Variants in NOTCH3 observed in about 807,000 individuals in gnomAD.
The protein encoded by NOTCH3 is notch receptor 3.
A neutral mutation model predicts 213.3 loss-of-function variants in NOTCH3; 86 were observed. That is an observed-to-expected ratio of 0.40 (90% CI 0.34 to 0.48). The LOEUF is 0.48. Ranked by LOEUF, NOTCH3 falls within the 20% of genes least tolerant of loss-of-function variation. The pLI, the probability that NOTCH3 is intolerant of heterozygous loss-of-function variation, is 0.57. For synonymous variants in NOTCH3, 1,354 were observed against 1,355.9 expected (o/e 1.00, Z 0.03); for missense variants, 2,783 against 3,272.6 (o/e 0.85, Z 3.65).
At chr19:15,186,490 C>T (rs955494327) in intron 12 of NOTCH3, among the ~76,000 whole-genome samples, 15 of 151,776 alleles carry the variant, frequency 9.9e-5, no homozygotes, top group Non-Finnish European at 1.6e-4. Flanking sequence ...CTGCCGCCTC[C>T]GCCTCCTGAG....
chr19:15,194,876 G>A (rs1241604728), intron 2 of NOTCH3, among the ~76,000 whole-genome samples: 1 of 149,076 alleles, frequency 6.7e-6, no homozygotes, highest in Non-Finnish European at 1.5e-5. Flanking sequence ...AAAATCGCTT[G>A]AACCCAGGAG....
At chr19:15,186,192 G>T (rs1256148541) in intron 12 of NOTCH3, among the ~76,000 whole-genome samples, 1 of 152,066 alleles carries the variant, frequency 6.6e-6, no homozygotes, top group Non-Finnish European at 1.5e-5. Context: ...TCGAACTCCT[G>T]GGCTCAAGTG....
intron 28 of NOTCH3, among the ~76,000 whole-genome samples, chr19:15,169,186 G>GTCTCTCCTCTCTC (rs1555726051): frequency 6.8e-6 from 1 of 146,656 alleles, no homozygotes; most frequent in African/African-American, 2.6e-5. Context: ...TGTCAAATCT[G>GTCTCTCCTCTCTC]TCTCTCTCTC....
intron 16 of NOTCH3, among the ~76,000 whole-genome samples, chr19:15,183,808 T>C (rs1358494808): frequency 6.6e-6 from 1 of 151,926 alleles, no homozygotes; most frequent in Admixed American, 6.6e-5. Context: ...CCCAGCACTT[T>C]GGGAGGTGGA....
Position 15,189,409 on chromosome 19 carries a change from A to C in NOTCH3, c.1056T>G (p.Asp352Glu). 6.2e-7 allele frequency: 1 copy of C among 1,613,836 alleles called. No homozygotes were observed. The highest frequency in any genetic ancestry group is 8.5e-7 in the Non-Finnish European group (1 of 1,180,036). ...MGKTGLLCHL[D>E]DACVSNPCHE... ...GGCAGGGGTTGCTGACACAGGCGTCATCCAGGTGACACAGGAGGCCTGGGA... is the reference window on the plus strand; with the variant it reads ...GGCAGGGGTTGCTGACACAGGCGTCCTCCAGGTGACACAGGAGGCCTGGGA... Residue 352 changes from aspartate to glutamate, a missense_variant, in exon 7 of 33, where the codon GAT (aspartate) becomes GAG (glutamate). By Grantham distance (45) the Asp-to-Glu change is conservative. Coordinates refer to ENST00000263388, the MANE Select transcript of NOTCH3 (RefSeq NM_000435.3).
chr19:15,168,017 A>C (rs2046700656), intron 28 of NOTCH3, among the ~76,000 whole-genome samples: 1 of 151,846 alleles, frequency 6.6e-6, no homozygotes, highest in Admixed American at 6.6e-5. Context: ...ACCTCACTGC[A>C]GCCTCAACTT....
At chr19:15,184,257 C>T (rs888570272) in intron 16 of NOTCH3, 38 bp downstream of exon 16, 4 of 1,603,774 alleles carry the variant, frequency 2.5e-6, no homozygotes, top group African/African-American at 2.7e-5. Context: ...TGACTGTGTT[C>T]CCCAGAGCAG....
At chr19:15,192,669 C>T in intron 2 of NOTCH3, 150 bp from the exon 3 acceptor site, 1 of 1,165,676 alleles carries the variant, frequency 8.6e-7, no homozygotes. Context: ...AATCCCAGAA[C>T]TTTGGGAGGC....
At chr19:15,183,230 G>C (rs1477965249) in intron 16 of NOTCH3, among the ~76,000 whole-genome samples, 2 of 151,786 alleles carry the variant, frequency 1.3e-5, no homozygotes, top group Non-Finnish European at 2.9e-5. Context: ...CTCCAGCCTG[G>C]GCGACAGAGC....
intron 24 of NOTCH3, 33 bp downstream of exon 24, chr19:15,177,492 A>C: frequency 6.3e-7 from 1 of 1,586,988 alleles, no homozygotes; most frequent in South Asian, 1.1e-5. Context: ...ATGGATGCAT[A>C]GACAGACGGA....
chr19:15,191,444 G>C lies in NOTCH3; in HGVS notation c.1016C>G (p.Ala339Gly), dbSNP rs775466454. 1 of 1,613,404 alleles carries C rather than the reference G, an allele frequency of 6.2e-7. No individual in the cohort carries two copies. The highest frequency in any genetic ancestry group is 1.3e-5 in the African/African-American group (1 of 75,070). ...CTCACCAGTCTTGCCCATGGGGCAGGCACAGTAGAAAGAAGCCACGCGGTC... is the reference window on the plus strand; with the variant it reads ...CTCACCAGTCTTGCCCATGGGGCAGCCACAGTAGAAAGAAGCCACGCGGTC... Reference protein sequence around the residue: ...CHDRVASFYCACPMGKTGLLC... With the variant: ...CHDRVASFYCGCPMGKTGLLC... Residue 339 changes from alanine to glycine, a missense_variant, in exon 6 of 33, where the codon GCC becomes GGC. By Grantham distance (60) the Ala-to-Gly change is moderately conservative. Around this residue, in one of 6 missense-constraint regions of NOTCH3, gnomAD observed 708 missense variants for 906.6 expected, o/e 0.78. Coordinates refer to ENST00000263388, the MANE Select transcript of NOTCH3 (RefSeq NM_000435.3).
At chr19:15,164,729 G>A (rs1402154210) in intron 31 of NOTCH3, among the ~76,000 whole-genome samples, 1 of 151,884 alleles carries the variant, frequency 6.6e-6, no homozygotes, top group East Asian at 1.9e-4. Context: ...CCCTAGAACT[G>A]TGGCTCTCAA....
At chr19:15,189,560 C>T (rs1288835273) in intron 6 of NOTCH3, 132 bp from the exon 7 acceptor site, 2 of 1,130,208 alleles carry the variant, frequency 1.8e-6, no homozygotes, top group East Asian at 2.4e-5. Flanking sequence ...CTCTTGTTGC[C>T]CAAGCTGGAG....
chr19:15,159,417 GA>G lies in NOTCH3; in HGVS notation c.*1244del, dbSNP rs762788720. The G allele has an allele frequency of 5.6e-6, 1 of 179,742 alleles. No individual in the cohort carries two copies. Among genetic ancestry groups the G allele is most frequent in the Non-Finnish European group, 1.2e-5 (1 of 83,956 alleles). The allele number at this position is 179,742 out of a possible 1,614,324, so 11.1% of individuals were successfully genotyped here. On this transcript the variant is annotated 3_prime_UTR_variant, in exon 33 of 33. Transcript: ENST00000263388. ...CAACTTTCTTAGCCTCTCCATTAAA[GA>G]AAGTTCTCGAGCAAAAGAATCTGAT...
intron 2 of NOTCH3, among the ~76,000 whole-genome samples, 170 bp downstream of exon 2, chr19:15,197,330 C>T (rs934207071): frequency 1.3e-5 from 2 of 152,154 alleles, no homozygotes; most frequent in Non-Finnish European, 2.9e-5. Flanking sequence ...GAGTGCAGAG[C>T]CCCTGCTCAG....
rs762273376 is a variant in NOTCH3, at chr19:15,187,178, C to T, written c.1767G>A (p.Gln589=). 1 of 1,614,088 alleles carries T rather than the reference C, an allele frequency of 6.2e-7. No homozygotes were observed. Among genetic ancestry groups the T allele is most frequent in the East Asian group, 2.2e-5 (1 of 44,882 alleles). The change falls in exon 11 of 33, where the codon CAG becomes CAA. Residue 589 remains glutamine (Q), a synonymous_variant. Coordinates refer to ENST00000263388, the MANE Select transcript of NOTCH3 (RefSeq NM_000435.3). The part of the protein sequence containing the change: ...CESQVDECRS[Q]PCRHGGKCLD... ...GGCATTTGCCGCCATGGCGGCAGGG[C>T]TGGCTGCGGCATTCGTCCACCTGGC...
At chr19:15,188,904 C>T (rs1361469775) in intron 8 of NOTCH3, 85 bp downstream of exon 8, 1 of 1,390,732 alleles carries the variant, frequency 7.2e-7, no homozygotes, top group Non-Finnish European at 9.9e-7. Context: ...CCACTTACAC[C>T]CCATTCTGCT....
rs771519821 is a variant in NOTCH3, at chr19:15,185,384, G to A, written c.2169C>T (p.Gly723=). The change falls in exon 14 of 33, where the codon GGC becomes GGT. Residue 723 remains glycine (G), a synonymous_variant. Transcript: ENST00000263388. The surrounding 1 kb of genome is among the most constrained non-coding windows in gnomAD (Gnocchi z 4.2). ...PGGFRCVCEP[G]WSGPRCSQSL... ...TCTGGCTGCAGCGGGGGCCACTCCA[G>A]CCAGGCTCACACACACAGCGGAACC... 5.3e-5 allele frequency: 85 copies of A among 1,612,244 alleles called. No individual in the cohort carries two copies. The highest frequency in any genetic ancestry group is 7.0e-5 in the Non-Finnish European group (83 of 1,179,678).
In NOTCH3 at chr19:15,180,904, C is replaced by T. The variant is rs111880276; in HGVS notation, c.2994+57G>A. The T allele has an allele frequency of 2.8e-3, 4,515 of 1,590,648 alleles. 22 individuals carry two copies. Among genetic ancestry groups the T allele is most frequent in the African/African-American group, 0.02 (1,475 of 74,670 alleles). ...GAGAAACTGTGCCCCGACTTGGCTTCTCCCTCCTAGGATCCCAGGCAGGCT... is the reference window on the plus strand; with the variant it reads ...GAGAAACTGTGCCCCGACTTGGCTTTTCCCTCCTAGGATCCCAGGCAGGCT... On this transcript the variant is annotated intron_variant, in intron 18 of 32. Transcript: ENST00000263388.
Sources: gnomAD v4.1 joint callset for allele counts (sites outside exome capture counted in the v4.1 genomes callset) on GRCh38, gnomAD v4.1.1 for gene constraint, gnomAD v4.1.1 regional missense constraint, Gnocchi (gnomAD v3.1) non-coding constraint, MANE v1.5 for transcripts, NCBI Gene and HGNC (gene_info 2026-07-23, HGNC 2026-07-21) for gene names.